The following RAB30 variants were observed in gnomAD, a reference collection of about 807,000 sequenced individuals.
RAB30 encodes the protein ras-related protein Rab-30.
A neutral mutation model predicts 25.1 loss-of-function variants in RAB30; 9 were observed. The observed-to-expected ratio is 0.36, with a 90% CI of 0.22 to 0.63. The LOEUF is 0.63. Ranked by LOEUF, RAB30 falls within the 20% of genes least tolerant of loss-of-function variation. The pLI is 0.69. For missense variants in RAB30, 140 were observed against 243.5 expected, an observed-to-expected ratio of 0.58 and a Z score of 2.83; for synonymous variants, 77 against 86.4, an observed-to-expected ratio of 0.89 and a Z score of 0.60.
At chr11:83,013,961 G>A (rs1209813643) in intron 1 of RAB30, among the ~76,000 whole-genome samples, 2 of 152,278 alleles carry the variant, frequency 1.3e-5, no homozygotes, top group Admixed American at 6.5e-5. Context: ...CATTTTACAG[G>A]TGAGAAAAAC....
intron 1 of RAB30, among the ~76,000 whole-genome samples, chr11:83,031,045 G>C (rs868253496): frequency 1.3e-5 from 2 of 152,222 alleles, no homozygotes; most frequent in Non-Finnish European, 2.9e-5. Flanking sequence ...TGCATATATA[G>C]AGAAATGACC....
intron 4 of RAB30, among the ~76,000 whole-genome samples, chr11:82,984,558 G>A (rs1378406931): frequency 6.6e-6 from 1 of 152,136 alleles, no homozygotes; most frequent in Non-Finnish European, 1.5e-5. Context: ...TGCCACGCGT[G>A]GTCTACGGTA....
chr11:83,013,716 T>A (rs957646909), intron 1 of RAB30, among the ~76,000 whole-genome samples: 2 of 152,162 alleles, frequency 1.3e-5, no homozygotes, highest in African/African-American at 2.4e-5. Context: ...TCTGTGTGCG[T>A]TGGAGGACCC....
At chr11:83,030,897 C>T in intron 1 of RAB30, among the ~76,000 whole-genome samples, 1 of 152,054 alleles carries the variant, frequency 6.6e-6, no homozygotes, top group East Asian at 1.9e-4. Flanking sequence ...TAGAATGTGA[C>T]TGTTCATGTA....
At chr11:83,025,499 G>C (rs1034826882) in intron 1 of RAB30, among the ~76,000 whole-genome samples, 12 of 152,212 alleles carry the variant, frequency 7.9e-5, no homozygotes, top group African/African-American at 2.7e-4. Context: ...AAACAGTTGT[G>C]CTTGTAAAAG....
At chr11:82,984,337 T>C (rs1174080473) in intron 4 of RAB30, among the ~76,000 whole-genome samples, 1 of 152,214 alleles carries the variant, frequency 6.6e-6, no homozygotes, top group African/African-American at 2.4e-5. Flanking sequence ...CTATGGGGTA[T>C]TGAGGCTGCT....
intron 1 of RAB30, among the ~76,000 whole-genome samples, chr11:83,057,534 T>C (rs1422818080): frequency 2.6e-5 from 4 of 152,150 alleles, no homozygotes; most frequent in South Asian, 2.1e-4. Context: ...CTAATTAAAA[T>C]AGCTCTCTGC....
At chr11:83,034,407 A>C (rs985317026) in intron 1 of RAB30, 1 of 152,276 alleles carries the variant, frequency 6.6e-6, no homozygotes, top group Non-Finnish European at 1.5e-5. Flanking sequence ...CCCAAAGAGC[A>C]GGGAAGAAAA....
intron 3 of RAB30, among the ~76,000 whole-genome samples, chr11:82,988,999 T>C (rs764516501): frequency 1.3e-5 from 2 of 151,494 alleles, no homozygotes; most frequent in African/African-American, 2.4e-5. Flanking sequence ...AATAGCCATC[T>C]TTCCCACTAA....
chr11:83,014,701 G>GA (rs1376222122), intron 1 of RAB30, among the ~76,000 whole-genome samples: 2 of 134,922 alleles, frequency 1.5e-5, no homozygotes, highest in Non-Finnish European at 3.3e-5. Flanking sequence ...AAAGAGAAAG[G>GA]AAGGAAGGAA....
At chr11:83,053,042 A>C (rs1858388335) in intron 1 of RAB30, among the ~76,000 whole-genome samples, 1 of 152,192 alleles carries the variant, frequency 6.6e-6, no homozygotes, top group African/African-American at 2.4e-5. Context: ...TCAGTGTGTT[A>C]GAAAAGTTGA....
At chr11:83,044,190 C>A (rs887356496) in intron 1 of RAB30, among the ~76,000 whole-genome samples, 1 of 152,154 alleles carries the variant, frequency 6.6e-6, no homozygotes, top group Non-Finnish European at 1.5e-5. Context: ...CAAACACCTG[C>A]AAATGAGAAG....
chr11:82,983,089 T>C (rs1262230732), intron 4 of RAB30, among the ~76,000 whole-genome samples: 5 of 151,852 alleles, frequency 3.3e-5, no homozygotes, highest in Non-Finnish European at 7.4e-5. Flanking sequence ...AAAAAAAGCA[T>C]ATACAATACG....
At chr11:83,058,490 AT>A (rs1230179866) in intron 1 of RAB30, among the ~76,000 whole-genome samples, 4 of 152,174 alleles carry the variant, frequency 2.6e-5, no homozygotes, top group Non-Finnish European at 4.4e-5. Context: ...CAGAAAAAAA[AT>A]ATTATGTAGA....
chr11:83,002,311 C>T (rs1857103830), intron 1 of RAB30, among the ~76,000 whole-genome samples: 1 of 152,206 alleles, frequency 6.6e-6, no homozygotes, highest in Non-Finnish European at 1.5e-5. Context: ...CCGTGCCCTC[C>T]AGCCCAGGAT....
chr11:83,067,156 G>A (rs568571095), intron 1 of RAB30, among the ~76,000 whole-genome samples: 15 of 152,222 alleles, frequency 9.9e-5, no homozygotes, highest in African/African-American at 2.6e-4. Flanking sequence ...CTCTTTGTAC[G>A]TGATTATTTA....
chr11:82,982,108 C>T lies in RAB30; in HGVS notation c.*57G>A. The T allele has an allele frequency of 6.2e-7, 1 of 1,604,892 alleles. No homozygotes were observed. Among genetic ancestry groups the T allele is most frequent in the Non-Finnish European group, 8.5e-7 (1 of 1,173,826 alleles). ...CACAGTCATCGCCAGATCTCCCCAG[C>T]ATCTCATGGCCCATCAGGGCAGTTG... On this transcript the variant is annotated 3_prime_UTR_variant, in exon 5 of 5. Transcript: ENST00000527633.
Position 82,982,418 on chromosome 11 carries a change from A to T in RAB30, c.362-3T>A. On this transcript the variant is annotated splice_polypyrimidine_tract_variant and splice_region_variant and intron_variant, in intron 4 of 4. Transcript: ENST00000527633. ...TTCAGCCAGGTCAATCTTGTTGCCT[A>T]TAACAGTAGTAAAATCAAATAAAGA... 2 of 1,611,674 alleles carry T rather than the reference A, an allele frequency of 1.2e-6. No homozygotes were observed. Among genetic ancestry groups the T allele is most frequent in the East Asian group, 2.2e-5 (1 of 44,880 alleles).
intron 1 of RAB30, among the ~76,000 whole-genome samples, chr11:83,049,208 A>G (rs1337710456): frequency 1.3e-5 from 2 of 152,026 alleles, no homozygotes; most frequent in Non-Finnish European, 2.9e-5. Context: ...TCAAGAGATC[A>G]AGACCATCCT....
Sources: allele counts gnomAD v4.1 joint callset (sites outside exome capture counted in the v4.1 genomes callset), GRCh38; gene constraint gnomAD v4.1.1; transcripts MANE v1.5; gene names NCBI Gene and HGNC (gene_info 2026-07-23, HGNC 2026-07-21).